The following IFNB1 variants were observed in gnomAD, a reference collection of about 807,000 sequenced individuals.
IFNB1 encodes interferon beta 1.
For missense variants in IFNB1, 267 were observed against 210.5 expected (o/e 1.27, Z -1.66); for synonymous variants, 99 against 80.4 (o/e 1.23, Z -1.24).
rs770100148 is a variant in IFNB1, at chr9:21,077,759, C to G, written c.111G>C (p.Gln37His). ...LGFLQRSSNF[Q>H]CQKLLWQLNG... ...TCAATTGCCACAGGAGCTTCTGACA[C>G]TGAAAATTGCTGCTTCTTTGTAGGA... The change falls in exon 1 of 1, where the codon CAG becomes CAC. Residue 37 changes from glutamine (Q) to histidine (H), a missense_variant. Physicochemically the swap from Gln to His is conservative, Grantham distance 24 (BLOSUM62 0). Transcript: ENST00000380232. 1 of 1,613,726 alleles carries G rather than the reference C, an allele frequency of 6.2e-7. No homozygotes were observed. The highest frequency in any genetic ancestry group is 8.5e-7 in the Non-Finnish European group (1 of 1,179,874).
chr9:21,077,666 C>A lies in IFNB1; in HGVS notation c.204G>T (p.Leu68=). The part of the protein sequence containing the change: ...NFDIPEEIKQ[L]QQFQKEDAAL... ...CGGCGTCCTCCTTCTGGAACTGCTG[C>A]AGCTGCTTAATCTCCTCAGGGATGT... Residue 68 remains leucine, a synonymous_variant, in exon 1 of 1, where the codon CTG becomes CTT. Transcript: ENST00000380232. 1.2e-6 allele frequency: 2 copies of A among 1,613,966 alleles called. No individual in the cohort carries two copies. The highest frequency in any genetic ancestry group is 1.7e-6 in the Non-Finnish European group (2 of 1,179,896).
chr9:21,077,817 G>A lies in IFNB1; in HGVS notation c.53C>T (p.Thr18Ile), dbSNP rs979544223. 3 of 1,613,748 alleles carry A rather than the reference G, an allele frequency of 1.9e-6. No homozygotes were observed. The highest frequency in any genetic ancestry group is 8.5e-7 in the Non-Finnish European group (1 of 1,179,798). The change falls in exon 1 of 1, where the codon ACA (threonine) becomes ATA (isoleucine). Residue 18 changes from threonine to isoleucine, a missense_variant. Physicochemically the swap from Thr to Ile is moderately conservative, Grantham distance 89. Transcript: ENST00000380232. ...CAAGTTGTAGCTCATGGAAAGAGCT[G>A]TAGTGGAGAAGCACAACAGGAGAGC... ...QIALLLCFST[T>I]ALSMSYNLLG...
Position 21,077,890 on chromosome 9 carries a change from C to A in IFNB1, c.-21G>T. The A allele has an allele frequency of 6.3e-7, 1 of 1,580,122 alleles. No individual in the cohort carries two copies. The highest frequency in any genetic ancestry group is 1.1e-5 in the South Asian group (1 of 87,464). On this transcript the variant is annotated 5_prime_UTR_variant, in exon 1 of 1. Transcript: ENST00000380232. ...GTCATGTTGACAACACGAACAGTGTCGCCTACTACCTGTTGTGCCAGAGCA... is the reference window on the plus strand; with the variant it reads ...GTCATGTTGACAACACGAACAGTGTAGCCTACTACCTGTTGTGCCAGAGCA...
rs780173713 is a variant in IFNB1 at position 21,077,281 on chromosome 9, C to G, written c.*25G>C. 6.6e-7 allele frequency: 1 copy of G among 1,525,908 alleles called. No individual in the cohort carries two copies. The highest frequency in any genetic ancestry group is 1.7e-5 in the Admixed American group (1 of 57,216). The allele number at this position is 1,525,908 out of a possible 1,614,324, so 94.5% of individuals were successfully genotyped here. A position where few individuals can be genotyped will look rare whatever the true frequency, so the allele number is the denominator to read the frequency against. Reference sequence around the variant, plus strand: ...AGAATGCTTGAAGCAATTGTCCAGTCCCAGAGGCACAGGCTAGGAGATCTT... The same window carrying G: ...AGAATGCTTGAAGCAATTGTCCAGTGCCAGAGGCACAGGCTAGGAGATCTT... On this transcript the variant is annotated 3_prime_UTR_variant, in exon 1 of 1. Coordinates refer to ENST00000380232, the MANE Select transcript of IFNB1 (RefSeq NM_002176.4).
In IFNB1 at chr9:21,077,262, C is replaced by T. The variant is rs1564295208; in HGVS notation, c.*44G>A. The stretch of plus-strand genomic sequence containing the variant: ...AACAGCATCTGCTGGTTGAAGAATG[C>T]TTGAAGCAATTGTCCAGTCCCAGAG... On this transcript the variant is annotated 3_prime_UTR_variant, in exon 1 of 1. Transcript: ENST00000380232. 3.0e-6 allele frequency: 4 copies of T among 1,330,002 alleles called. No individual in the cohort carries two copies. The African/African-American group carries it at 5.9e-5, about 19-fold the overall frequency. The allele number at this position is 1,330,002 out of a possible 1,614,324, so 82.4% of individuals were successfully genotyped here. A position where few individuals can be genotyped will look rare whatever the true frequency, so the allele number is the denominator to read the frequency against.
Position 21,077,924 on chromosome 9 carries a change from G to C in IFNB1, c.-55C>G, listed in dbSNP as rs574896435. The stretch of plus-strand genomic sequence containing the variant: ...CCTGTTGTGCCAGAGCAAAGGCTTC[G>C]AAAGGTTGCAGTTAGAATGTCCTTT... On this transcript the variant is annotated 5_prime_UTR_variant, in exon 1 of 1. Transcript: ENST00000380232. 3.0e-6 allele frequency: 4 copies of C among 1,341,816 alleles called. No individual in the cohort carries two copies. The Admixed American group carries it at 6.0e-5, about 20-fold the overall frequency. The allele number at this position is 1,341,816 out of a possible 1,614,324, so 83.1% of individuals were successfully genotyped here. A position where few individuals can be genotyped will look rare whatever the true frequency, so the allele number is the denominator to read the frequency against.
Position 21,077,488 on chromosome 9 carries a change from C to G in IFNB1, c.382G>C (p.Glu128Gln), listed in dbSNP as rs775224403. Residue 128 changes from glutamate to glutamine, a missense_variant, in exon 1 of 1, where the codon GAG becomes CAG. Physicochemically the swap from Glu to Gln is conservative, Grantham distance 29. Coordinates refer to ENST00000380232, the MANE Select transcript of IFNB1 (RefSeq NM_002176.4). ...TTTCCCCTGGTGAAATCTTCTTTCT[C>G]CAGTTTTTCTTCCAGGACTGTCTTC... The part of the protein sequence containing the change: ...HLKTVLEEKL[E>Q]KEDFTRGKLM... 2 of 1,613,930 alleles carry G rather than the reference C, an allele frequency of 1.2e-6. No homozygotes were observed. The highest frequency in any genetic ancestry group is 3.3e-5 in the Admixed American group (2 of 59,976).
Position 21,077,260 on chromosome 9 carries a change from T to C in IFNB1, c.*46A>G, listed in dbSNP as rs553669069. 7 of 1,290,684 alleles carry C rather than the reference T, an allele frequency of 5.4e-6. No individual in the cohort carries two copies. In the East Asian group the frequency reaches 1.2e-4, roughly 21 times the overall value. The allele number at this position is 1,290,684 out of a possible 1,614,324, so 80.0% of individuals were successfully genotyped here. On this transcript the variant is annotated 3_prime_UTR_variant, in exon 1 of 1. Coordinates refer to ENST00000380232, the MANE Select transcript of IFNB1 (RefSeq NM_002176.4). ...TAAACAGCATCTGCTGGTTGAAGAATGCTTGAAGCAATTGTCCAGTCCCAG... is the reference window on the plus strand; with the variant it reads ...TAAACAGCATCTGCTGGTTGAAGAACGCTTGAAGCAATTGTCCAGTCCCAG...
In IFNB1 at chr9:21,077,779, G is replaced by T; in HGVS notation, c.91C>A (p.Gln31Lys). The change falls in exon 1 of 1, where the codon CAA becomes AAA. Residue 31 changes from glutamine to lysine, a missense_variant. Gln to Lys is a moderately conservative substitution (Grantham distance 53, BLOSUM62 1). Transcript: ENST00000380232. ...TGACACTGAAAATTGCTGCTTCTTT[G>T]TAGGAATCCAAGCAAGTTGTAGCTC... ...SMSYNLLGFLQRSSNFQCQKL... is the reference protein window; with the variant it reads ...SMSYNLLGFLKRSSNFQCQKL... 1.2e-6 allele frequency: 2 copies of T among 1,613,846 alleles called. No homozygotes were observed. Among genetic ancestry groups the T allele is most frequent in the Non-Finnish European group, 1.7e-6 (2 of 1,179,848 alleles).
Position 21,077,896 on chromosome 9 carries a change from C to T in IFNB1, c.-27G>A, listed in dbSNP as rs1461026543. On this transcript the variant is annotated 5_prime_UTR_variant, in exon 1 of 1. Coordinates refer to ENST00000380232, the MANE Select transcript of IFNB1 (RefSeq NM_002176.4). ...TTGACAACACGAACAGTGTCGCCTACTACCTGTTGTGCCAGAGCAAAGGCT... is the reference window on the plus strand; with the variant it reads ...TTGACAACACGAACAGTGTCGCCTATTACCTGTTGTGCCAGAGCAAAGGCT... 2 of 1,567,852 alleles carry T rather than the reference C, an allele frequency of 1.3e-6. No homozygotes were observed. Among genetic ancestry groups the T allele is most frequent in the Non-Finnish European group, 8.7e-7 (1 of 1,149,616 alleles).
Position 21,077,690 on chromosome 9 carries a change from G to T in IFNB1, c.180C>A (p.Asp60Glu), listed in dbSNP as rs34130181. 2.7e-3 allele frequency: 4,311 copies of T among 1,613,950 alleles called. 111 individuals are homozygous for T. In the African/African-American group the frequency reaches 0.051, roughly 19 times the overall value. The stretch of plus-strand genomic sequence containing the variant: ...GCAGCTGCTTAATCTCCTCAGGGAT[G>T]TCAAAGTTCATCCTGTCCTTGAGGC... Reference protein sequence around the residue: ...EYCLKDRMNFDIPEEIKQLQQ... With the variant: ...EYCLKDRMNFEIPEEIKQLQQ... The change falls in exon 1 of 1, where the codon GAC becomes GAA. Residue 60 changes from aspartate to glutamate, a missense_variant. Coordinates refer to ENST00000380232, the MANE Select transcript of IFNB1 (RefSeq NM_002176.4).
chr9:21,077,136 A>C lies in IFNB1; in HGVS notation c.*170T>G. On this transcript the variant is annotated 3_prime_UTR_variant, in exon 1 of 1. Coordinates refer to ENST00000380232, the MANE Select transcript of IFNB1 (RefSeq NM_002176.4). ...TTGCACCAAAAATAATTTATTTTCC[A>C]AAATAAAATTTAAATAAATAAAAAT... The C allele has an allele frequency of 2.5e-6, 1 of 403,132 alleles. No homozygotes were observed. The highest frequency in any genetic ancestry group is 4.4e-6 in the Non-Finnish European group (1 of 227,742). The allele number at this position is 403,132 out of a possible 1,614,324, so 25.0% of individuals were successfully genotyped here.
chr9:21,077,707 C>A lies in IFNB1; in HGVS notation c.163G>T (p.Asp55Tyr), dbSNP rs1021655360. 1.2e-6 allele frequency: 2 copies of A among 1,613,956 alleles called. No individual in the cohort carries two copies. The highest frequency in any genetic ancestry group is 3.3e-5 in the Admixed American group (2 of 59,970). Reference protein sequence around the residue: ...LNGRLEYCLKDRMNFDIPEEI... With the variant: ...LNGRLEYCLKYRMNFDIPEEI... ...TCAGGGATGTCAAAGTTCATCCTGTCCTTGAGGCAGTATTCAAGCCTCCCA... is the reference window on the plus strand; with the variant it reads ...TCAGGGATGTCAAAGTTCATCCTGTACTTGAGGCAGTATTCAAGCCTCCCA... Residue 55 changes from aspartate (D) to tyrosine (Y), a missense_variant, in exon 1 of 1, where the codon GAC (aspartate) becomes TAC (tyrosine). Asp to Tyr is a radical substitution (Grantham distance 160). Transcript: ENST00000380232.
chr9:21,077,691 T>A lies in IFNB1; in HGVS notation c.179A>T (p.Asp60Val). The change falls in exon 1 of 1, where the codon GAC becomes GTC. Residue 60 changes from aspartate to valine, a missense_variant. Transcript: ENST00000380232. ...CAGCTGCTTAATCTCCTCAGGGATG[T>A]CAAAGTTCATCCTGTCCTTGAGGCA... is the stretch of plus-strand genomic sequence containing the variant. ...EYCLKDRMNF[D>V]IPEEIKQLQQ... The A allele has an allele frequency of 1.9e-6, 3 of 1,613,998 alleles. No individual in the cohort carries two copies. Among genetic ancestry groups the A allele is most frequent in the Non-Finnish European group, 2.5e-6 (3 of 1,179,910 alleles).
In IFNB1 at chr9:21,077,552, C is replaced by G. The variant is rs1818734829; in HGVS notation, c.318G>C (p.Glu106Asp). Reference protein sequence around the residue: ...SSTGWNETIVENLLANVYHQI... With the variant: ...SSTGWNETIVDNLLANVYHQI... ...GATGATAGACATTAGCCAGGAGGTT[C>G]TCAACAATAGTCTCATTCCAGCCAG... The change falls in exon 1 of 1, where the codon GAG becomes GAC. Residue 106 changes from glutamate to aspartate, a missense_variant. Coordinates refer to ENST00000380232, the MANE Select transcript of IFNB1 (RefSeq NM_002176.4). 6.2e-7 allele frequency: 1 copy of G among 1,613,856 alleles called. No homozygotes were observed. The highest frequency in any genetic ancestry group is 1.3e-5 in the African/African-American group (1 of 74,898).
At position 21,077,526 on chromosome 9, in the gene IFNB1, T is replaced by C; in HGVS notation, c.344A>G (p.Gln115Arg). 6.2e-7 allele frequency: 1 copy of C among 1,613,876 alleles called. No individual in the cohort carries two copies. Among genetic ancestry groups the C allele is most frequent in the Non-Finnish European group, 8.5e-7 (1 of 1,179,810 alleles). The change falls in exon 1 of 1, where the codon CAG becomes CGG. Residue 115 changes from glutamine to arginine, a missense_variant. Coordinates refer to ENST00000380232, the MANE Select transcript of IFNB1 (RefSeq NM_002176.4). ...CAGGACTGTCTTCAGATGGTTTATC[T>C]GATGATAGACATTAGCCAGGAGGTT... The part of the protein sequence containing the change: ...VENLLANVYH[Q>R]INHLKTVLEE...
At position 21,077,480 on chromosome 9, in the gene IFNB1, T is replaced by A; in HGVS notation, c.390A>T (p.Glu130Asp). 1.2e-6 allele frequency: 2 copies of A among 1,613,960 alleles called. No homozygotes were observed. Among genetic ancestry groups the A allele is most frequent in the African/African-American group, 2.7e-5 (2 of 75,036 alleles). The change falls in exon 1 of 1, where the codon GAA becomes GAT. Residue 130 changes from glutamate to aspartate, a missense_variant. Glu to Asp is a conservative substitution (Grantham distance 45, BLOSUM62 2). Coordinates refer to ENST00000380232, the MANE Select transcript of IFNB1 (RefSeq NM_002176.4). ...KTVLEEKLEK[E>D]DFTRGKLMSS... The stretch of plus-strand genomic sequence containing the variant: ...TCATGAGTTTTCCCCTGGTGAAATC[T>A]TCTTTCTCCAGTTTTTCTTCCAGGA...
At position 21,077,548 on chromosome 9, in the gene IFNB1, G is replaced by T; in HGVS notation, c.322C>A (p.Leu108Ile). ...ATCTGATGATAGACATTAGCCAGGA[G>T]GTTCTCAACAATAGTCTCATTCCAG... Reference protein sequence around the residue: ...TGWNETIVENLLANVYHQINH... With the variant: ...TGWNETIVENILANVYHQINH... Residue 108 changes from leucine to isoleucine, a missense_variant, in exon 1 of 1, where the codon CTC becomes ATC. Transcript: ENST00000380232. 1.2e-6 allele frequency: 2 copies of T among 1,613,916 alleles called. No individual in the cohort carries two copies. The highest frequency in any genetic ancestry group is 1.7e-6 in the Non-Finnish European group (2 of 1,179,874).
chr9:21,077,427 C>T lies in IFNB1; in HGVS notation c.443G>A (p.Gly148Glu), dbSNP rs374246150. 6.2e-7 allele frequency: 1 copy of T among 1,613,738 alleles called. No homozygotes were observed. Among genetic ancestry groups the T allele is most frequent in the Admixed American group, 1.7e-5 (1 of 59,992 alleles). ...GGCCTTCAGGTAATGCAGAATCCTC[C>T]CATAATATCTTTTCAGGTGCAGACT... is the stretch of plus-strand genomic sequence containing the variant. Reference protein sequence around the residue: ...MSSLHLKRYYGRILHYLKAKE... With the variant: ...MSSLHLKRYYERILHYLKAKE... Residue 148 changes from glycine to glutamate, a missense_variant, in exon 1 of 1, where the codon GGG (glycine) becomes GAG (glutamate). By Grantham distance (98) the Gly-to-Glu change is moderately conservative. Coordinates refer to ENST00000380232, the MANE Select transcript of IFNB1 (RefSeq NM_002176.4).
Sources: gnomAD v4.1 joint callset for allele counts on GRCh38, gnomAD v4.1.1 for gene constraint, MANE v1.5 for transcripts, NCBI Gene and HGNC (gene_info 2026-07-23, HGNC 2026-07-21) for gene names.